Variants in DLGAP1 observed in about 807,000 individuals in gnomAD.
The protein encoded by DLGAP1 is DLG associated protein 1, also known as disks large-associated protein 1.
Under a neutral mutation model 90.8 loss-of-function variants are expected in DLGAP1, and 11 were observed. That is an observed-to-expected ratio of 0.12 (90% confidence interval 0.08 to 0.20). DLGAP1 has a LOEUF of 0.20. DLGAP1 is among the 10% of genes least tolerant of loss of function. The pLI, the probability that DLGAP1 is intolerant of heterozygous loss-of-function variation, is 1.00. For synonymous variants in DLGAP1, 558 were observed against 540.7 expected, an observed-to-expected ratio of 1.03 and a Z score of -0.44; for missense variants, 1,050 against 1,333.8, an observed-to-expected ratio of 0.79 and a Z score of 3.31.
intron 1 of DLGAP1, among the ~76,000 whole-genome samples, chr18:4,170,576 A>G (rs2077006298): frequency 6.6e-6 from 1 of 152,148 alleles, no homozygotes; most frequent in African/African-American, 2.4e-5. Flanking sequence ...GATATGAGAT[A>G]TAAGAGATAG....
chr18:4,381,605 C>CT (rs1208689041), intron 1 of DLGAP1, among the ~76,000 whole-genome samples: 1 of 152,138 alleles, frequency 6.6e-6, no homozygotes, highest in African/African-American at 2.4e-5. Context: ...GATTAAGAAT[C>CT]TGACAATGGA....
At chr18:4,395,697 C>T (rs1198577263) in intron 1 of DLGAP1, among the ~76,000 whole-genome samples, 1 of 152,142 alleles carries the variant, frequency 6.6e-6, no homozygotes, top group Non-Finnish European at 1.5e-5. Context: ...TTTTTGAATA[C>T]AAGCGTTTAT....
chr18:3,662,006 G>C (rs2059700758), intron 7 of DLGAP1, among the ~76,000 whole-genome samples: 1 of 152,092 alleles, frequency 6.6e-6, no homozygotes, highest in Admixed American at 6.5e-5. Flanking sequence ...ATCACTTGTA[G>C]TAATGTGGAA....
intron 1 of DLGAP1, among the ~76,000 whole-genome samples, chr18:4,357,687 T>C (rs2081551359): frequency 6.6e-6 from 1 of 152,248 alleles, no homozygotes; most frequent in Non-Finnish European, 1.5e-5. Context: ...CTCCACTGAC[T>C]GACATCTCTG....
At chr18:3,735,461 G>A (rs2062600322) in intron 6 of DLGAP1, among the ~76,000 whole-genome samples, 1 of 152,148 alleles carries the variant, frequency 6.6e-6, no homozygotes, top group Non-Finnish European at 1.5e-5. Context: ...CTGACCTCAT[G>A]ATCCATCCAA....
At chr18:4,357,408 C>T (rs2081545688) in intron 1 of DLGAP1, among the ~76,000 whole-genome samples, 1 of 152,072 alleles carries the variant, frequency 6.6e-6, no homozygotes, top group Non-Finnish European at 1.5e-5. Context: ...CCCGCCTCGG[C>T]CTCCCACCAT....
At chr18:3,785,212 T>G (rs1296160581) in intron 5 of DLGAP1, among the ~76,000 whole-genome samples, 1 of 152,314 alleles carries the variant, frequency 6.6e-6, no homozygotes, top group East Asian at 1.9e-4. Flanking sequence ...CCCACAGAGT[T>G]ATTATCTTAC....
chr18:3,590,842 C>T (rs1354378169), intron 7 of DLGAP1, among the ~76,000 whole-genome samples: 1 of 151,374 alleles, frequency 6.6e-6, no homozygotes, highest in Admixed American at 6.6e-5. Flanking sequence ...CCATTGCACT[C>T]CAGCCTGGGC....
At chr18:3,944,468 C>T (rs181474952) in intron 3 of DLGAP1, among the ~76,000 whole-genome samples, 126 of 152,202 alleles carry the variant, frequency 8.3e-4, no homozygotes, top group African/African-American at 2.9e-3. Context: ...TGCACCACTG[C>T]ACTCCAGCCT....
In DLGAP1 at chr18:3,836,462, T is replaced by C. The variant is rs1444874228; in HGVS notation, c.958-22189A>G. Among the ~76,000 whole-genome samples the C allele has an allele frequency of 2.6e-5, 4 of 152,328 alleles. No homozygotes were observed. In the South Asian group the frequency reaches 8.3e-4, roughly 32 times the overall value. On this transcript the variant is annotated intron_variant, in intron 4 of 12. Coordinates refer to ENST00000315677, the MANE Select transcript of DLGAP1 (RefSeq NM_004746.4). ...GTTTCCTCTGAGCACTCATCAAAGG[T>C]AATGGGATTAGATTTTTTTTCTTCC...
At position 3,600,896 on chromosome 18, in the gene DLGAP1, A is replaced by AGATG. The variant is rs1308549581; in HGVS notation, c.1592-18649_1592-18648insCATC. On this transcript the variant is annotated intron_variant, in intron 7 of 12. Coordinates refer to ENST00000315677, the MANE Select transcript of DLGAP1 (RefSeq NM_004746.4). Reference sequence around the variant, plus strand: ...TAGATATATAGATAGATATATAGATATATATAGATATATAGATAGATATAG... The same window carrying AGATG: ...TAGATATATAGATAGATATATAGATAGATGTATATAGATATATAGATAGATATAG... 3.2e-3 allele frequency among the ~76,000 whole-genome samples: 319 copies of AGATG among 100,408 alleles called. 23 individuals are homozygous for AGATG. The highest frequency in any genetic ancestry group is 9.3e-3 in the Middle Eastern group (2 of 214). The allele number at this position is 100,408 out of a possible 152,430, so 65.9% of individuals were successfully genotyped here.
intron 2 of DLGAP1, among the ~76,000 whole-genome samples, chr18:4,022,896 G>T (rs1350600231): frequency 7.7e-6 from 1 of 130,096 alleles, no homozygotes; most frequent in African/African-American, 2.8e-5. Flanking sequence ...ATTATAGACT[G>T]ACACTTTATC....
intron 3 of DLGAP1, chr18:3,962,234 G>A (rs1356389285): frequency 6.6e-6 from 1 of 152,132 alleles, no homozygotes; most frequent in Non-Finnish European, 1.5e-5. Context: ...AAATTCCCTA[G>A]TTATTCTTTC....
chr18:4,300,142 G>A (rs1179319988), intron 1 of DLGAP1, among the ~76,000 whole-genome samples: 1 of 152,078 alleles, frequency 6.6e-6, no homozygotes, highest in Admixed American at 6.5e-5. Context: ...TAACAGTGTT[G>A]TCTTTTAGCA....
chr18:4,005,678 C>T (rs1177026048), intron 2 of DLGAP1, among the ~76,000 whole-genome samples: 1 of 152,058 alleles, frequency 6.6e-6, no homozygotes, highest in Non-Finnish European at 1.5e-5. Context: ...TAGTTTCTTC[C>T]TTCCCATCCC....
At chr18:3,820,044 A>G (rs2067318403) in intron 4 of DLGAP1, among the ~76,000 whole-genome samples, 1 of 152,210 alleles carries the variant, frequency 6.6e-6, no homozygotes, top group Admixed American at 6.5e-5. Flanking sequence ...CAGTTATCAA[A>G]GTGTAGCTAA....
rs2083916534 is a variant in DLGAP1 at position 4,454,388 on chromosome 18, C to T, written c.-267+618G>A. ...GGGCAGGGGGCGACTCTCCAGTGAC[C>T]TCCTCCTTGGACCCCATTTCTCTCT... On this transcript the variant is annotated intron_variant, in intron 1 of 12. Coordinates refer to ENST00000315677, the MANE Select transcript of DLGAP1 (RefSeq NM_004746.4). This position sits in a 1 kb window ranked among gnomAD's most constrained non-coding sequence, Gnocchi z 4.7. Among the ~76,000 whole-genome samples the T allele has an allele frequency of 6.6e-6, 1 of 151,286 alleles. No individual in the cohort carries two copies. Among genetic ancestry groups the T allele is most frequent in the African/African-American group, 2.4e-5 (1 of 41,156 alleles).
At chr18:3,694,960 G>C (rs2061039076) in intron 7 of DLGAP1, among the ~76,000 whole-genome samples, 1 of 120,406 alleles carries the variant, frequency 8.3e-6, no homozygotes, top group African/African-American at 3.3e-5. Flanking sequence ...TTTTTTTTGA[G>C]ACAGAGTCTT....
At chr18:3,615,984 AG>A (rs1180228119) in intron 7 of DLGAP1, among the ~76,000 whole-genome samples, 2 of 152,224 alleles carry the variant, frequency 1.3e-5, no homozygotes, top group African/African-American at 2.4e-5. Context: ...CACTGCTAAC[AG>A]ACCCATAGTG....
Sources: allele counts gnomAD v4.1 joint callset (sites outside exome capture counted in the v4.1 genomes callset), GRCh38; gene constraint gnomAD v4.1.1; non-coding constraint Gnocchi (gnomAD v3.1); transcripts MANE v1.5; gene names NCBI Gene and HGNC (gene_info 2026-07-23, HGNC 2026-07-21).